The following ZRANB3 variants were observed in gnomAD, a reference collection of about 807,000 sequenced individuals.
The protein encoded by ZRANB3 is zinc finger RANBP2-type containing 3, also known as DNA annealing helicase and endonuclease ZRANB3.
In ZRANB3, 125 loss-of-function variants were observed where a neutral mutation model predicts 133.8. The ratio of observed to expected loss-of-function variants is 0.93; its 90% confidence interval spans 0.81 to 1.08. The LOEUF (loss-of-function observed/expected upper bound fraction) is 1.08, where lower values mean the gene tolerates loss of function less well. Ranked by LOEUF, ZRANB3 falls within the 50% of genes least tolerant of loss-of-function variation. The probability of loss-of-function intolerance (pLI) is 0.00; values close to 1 mark genes in which losing one functional copy is unlikely to be tolerated. For missense variants in ZRANB3, 1,229 were observed against 1,275.5 expected (o/e 0.96, Z 0.56); for synonymous variants, 387 against 432.7 (o/e 0.89, Z 1.31).
chr2:135,516,288 T>C (rs1410262188), intron 1 of ZRANB3, among the ~76,000 whole-genome samples: 1 of 152,174 alleles, frequency 6.6e-6, no homozygotes, highest in Non-Finnish European at 1.5e-5. Flanking sequence ...TATTGTTATA[T>C]GTGAATCTGA....
intron 2 of ZRANB3, among the ~76,000 whole-genome samples, chr2:135,483,127 C>G (rs907057306): frequency 6.6e-6 from 1 of 151,888 alleles, no homozygotes; most frequent in African/African-American, 2.4e-5. Flanking sequence ...TGATGCTGGC[C>G]TCATAAAATG....
chr2:135,382,287 T>C (rs1158874376), intron 3 of ZRANB3, among the ~76,000 whole-genome samples: 2 of 151,938 alleles, frequency 1.3e-5, no homozygotes, highest in Non-Finnish European at 1.5e-5. Context: ...AAGAGAAGTT[T>C]AGAGAAAAAA....
chr2:135,209,878 C>T (rs1438293224), intron 17 of ZRANB3, among the ~76,000 whole-genome samples: 4 of 151,920 alleles, frequency 2.6e-5, no homozygotes, highest in Admixed American at 6.6e-5. Flanking sequence ...TAGAAATTTG[C>T]TTTATGTTAT....
chr2:135,284,313 T>C (rs1681241767), intron 8 of ZRANB3, among the ~76,000 whole-genome samples: 1 of 152,250 alleles, frequency 6.6e-6, no homozygotes, highest in Admixed American at 6.5e-5. Context: ...GTATTAGCTC[T>C]TATTATTAGC....
At chr2:135,379,826 T>G (rs1050475305) in intron 3 of ZRANB3, among the ~76,000 whole-genome samples, 1 of 152,146 alleles carries the variant, frequency 6.6e-6, no homozygotes, top group African/African-American at 2.4e-5. Flanking sequence ...ACCTTAAATG[T>G]AAATGGGCGA....
chr2:135,373,615 C>A (rs939998151), intron 3 of ZRANB3, among the ~76,000 whole-genome samples: 2 of 151,912 alleles, frequency 1.3e-5, no homozygotes, highest in African/African-American at 4.8e-5. Flanking sequence ...TGGCAAAACC[C>A]CGTCTCAACT....
rs112919648 is a variant in ZRANB3 at position 135,424,284 on chromosome 2, C to G, written c.162-33464G>C. Among the ~76,000 whole-genome samples, 156 of 150,514 alleles carry G rather than the reference C, an allele frequency of 1.0e-3. 1 individual carries two copies. The highest frequency in any genetic ancestry group is 3.7e-3 in the African/African-American group (151 of 40,880). ...AAAATAGATTTGAGGAAAATTTTCACAAAACAGAGCAAAAAGATGAGCTCA... is the reference window on the plus strand; with the variant it reads ...AAAATAGATTTGAGGAAAATTTTCAGAAAACAGAGCAAAAAGATGAGCTCA... On this transcript the variant is annotated intron_variant, in intron 2 of 20. Transcript: ENST00000264159.
At chr2:135,234,592 T>G (rs1448984400) in intron 12 of ZRANB3, among the ~76,000 whole-genome samples, 2 of 152,180 alleles carry the variant, frequency 1.3e-5, no homozygotes, top group South Asian at 2.1e-4. Context: ...AAACTGTCTC[T>G]CAGACCACAG....
chr2:135,434,926 C>T (rs1193389834), intron 2 of ZRANB3, among the ~76,000 whole-genome samples: 1 of 151,782 alleles, frequency 6.6e-6, no homozygotes, highest in East Asian at 1.9e-4. Context: ...AGAAAAGATA[C>T]ACAGAAAAGA....
chr2:135,232,578 T>C (rs1695083466), intron 12 of ZRANB3, among the ~76,000 whole-genome samples: 1 of 152,180 alleles, frequency 6.6e-6, no homozygotes, highest in African/African-American at 2.4e-5. Context: ...CATGGCCAGG[T>C]ACTCCTCTGA....
intron 8 of ZRANB3, among the ~76,000 whole-genome samples, chr2:135,285,588 G>C (rs1442062806): frequency 6.6e-6 from 1 of 152,234 alleles, no homozygotes; most frequent in Non-Finnish European, 1.5e-5. Flanking sequence ...AACACACTTT[G>C]TGCATAAGGA....
rs1296029421 is a variant in ZRANB3, at chr2:135,482,460, T to C, written c.161+21869A>G. ...AAGAATGCTTGTGATTTTTGTACAT[T>C]GATTTTGTATCCTGAGACTTTGCTG... On this transcript the variant is annotated intron_variant, in intron 2 of 20. Transcript: ENST00000264159. 7.7e-4 allele frequency among the ~76,000 whole-genome samples: 116 copies of C among 149,684 alleles called. 1 individual carries two copies. In the East Asian group the frequency reaches 0.011, roughly 14 times the overall value.
At chr2:135,346,170 C>T (rs1450003965) in intron 5 of ZRANB3, among the ~76,000 whole-genome samples, 1 of 152,222 alleles carries the variant, frequency 6.6e-6, no homozygotes, top group Non-Finnish European at 1.5e-5. Context: ...GATCTTGGCT[C>T]ACTGCAAGCT....
At chr2:135,352,752 G>C (rs1260240059) in intron 4 of ZRANB3, among the ~76,000 whole-genome samples, 1 of 152,050 alleles carries the variant, frequency 6.6e-6, no homozygotes, top group Non-Finnish European at 1.5e-5. Flanking sequence ...TATTTCAGTA[G>C]ATGTACTGTA....
chr2:135,298,044 A>G (rs1266139896), intron 8 of ZRANB3, among the ~76,000 whole-genome samples: 1 of 152,140 alleles, frequency 6.6e-6, no homozygotes, highest in African/African-American at 2.4e-5. Context: ...CCTGGCCAAC[A>G]TGGTGAAACC....
At chr2:135,355,706 C>T (rs1685403642) in intron 3 of ZRANB3, among the ~76,000 whole-genome samples, 1 of 152,130 alleles carries the variant, frequency 6.6e-6, no homozygotes, top group African/African-American at 2.4e-5. Flanking sequence ...TGCCACTTCC[C>T]CGCCTCAACA....
intron 2 of ZRANB3, among the ~76,000 whole-genome samples, chr2:135,496,973 A>G (rs990862575): frequency 6.6e-6 from 1 of 152,238 alleles, no homozygotes; most frequent in Non-Finnish European, 1.5e-5. Context: ...CATCCTTAAG[A>G]GAATCCAATA....
rs535999616 is a variant in ZRANB3, at chr2:135,283,037, C to A, written c.967-7282G>T. 2.0e-5 allele frequency among the ~76,000 whole-genome samples: 3 copies of A among 152,294 alleles called. No homozygotes were observed. The East Asian group carries it at 5.8e-4, about 29-fold the overall frequency. ...CAGCGACACATGTTTATAATCCCAG[C>A]ACTTTGGGAGGCTGGGGCAGGAGGA... On this transcript the variant is annotated intron_variant, in intron 8 of 20. Transcript: ENST00000264159.
At chr2:135,286,127 A>T (rs2104787728) in intron 8 of ZRANB3, among the ~76,000 whole-genome samples, 1 of 151,820 alleles carries the variant, frequency 6.6e-6, no homozygotes, top group East Asian at 1.9e-4. Flanking sequence ...GGTTACATGG[A>T]TATGTTCTTT....
Sources: gnomAD v4.1 joint callset for allele counts (sites outside exome capture counted in the v4.1 genomes callset) on GRCh38, gnomAD v4.1.1 for gene constraint, MANE v1.5 for transcripts, NCBI Gene and HGNC (gene_info 2026-07-23, HGNC 2026-07-21) for gene names.